PARD3: variants seen among roughly 807,000 people sequenced by gnomAD.
The protein encoded by PARD3 is partitioning defective 3 homolog.
Under a neutral mutation model 155.4 loss-of-function variants are expected in PARD3, and 75 were observed. The ratio of observed to expected loss-of-function variants is 0.48; its 90% CI spans 0.40 to 0.58. PARD3 has a LOEUF of 0.58. Among genes scored for constraint, PARD3 ranks in the 20% least tolerant of loss-of-function variants. The probability of loss-of-function intolerance (pLI) is 0.00; values close to 1 mark genes in which losing one functional copy is unlikely to be tolerated. For missense variants in PARD3, 1,642 were observed against 1,721.7 expected, an observed-to-expected ratio of 0.95 and a Z score of 0.82; for synonymous variants, 576 against 610.5, an observed-to-expected ratio of 0.94 and a Z score of 0.83.
At chr10:34,404,847 G>A (rs1031418576) in intron 5 of PARD3, among the ~76,000 whole-genome samples, 1 of 152,096 alleles carries the variant, frequency 6.6e-6, no homozygotes, top group East Asian at 1.9e-4. Flanking sequence ...CACTTTAGAA[G>A]GCTGAGGCAG....
At chr10:34,428,558 T>C (rs2075741028) in intron 5 of PARD3, among the ~76,000 whole-genome samples, 1 of 152,228 alleles carries the variant, frequency 6.6e-6, no homozygotes, top group Admixed American at 6.5e-5. Context: ...AACTCATTTA[T>C]ATTAGTGCAC....
At chr10:34,302,258 T>C (rs773072553) in intron 20 of PARD3, among the ~76,000 whole-genome samples, 24 of 152,144 alleles carry the variant, frequency 1.6e-4, no homozygotes, top group Non-Finnish European at 3.1e-4. Flanking sequence ...GGCACTTACT[T>C]ACCATTTAAA....
chr10:34,641,619 C>T (rs1056368354), intron 2 of PARD3, among the ~76,000 whole-genome samples: 1 of 152,130 alleles, frequency 6.6e-6, no homozygotes, highest in Non-Finnish European at 1.5e-5. Context: ...TCCTCATGGC[C>T]CAGCACCCCC....
chr10:34,315,775 A>G (rs1301401598), intron 20 of PARD3, among the ~76,000 whole-genome samples: 2 of 152,224 alleles, frequency 1.3e-5, no homozygotes, highest in Non-Finnish European at 2.9e-5. Flanking sequence ...AAACATGATG[A>G]GGGGGCCCTG....
intron 1 of PARD3, among the ~76,000 whole-genome samples, chr10:34,729,819 G>C (rs370347533): frequency 6.6e-6 from 1 of 152,122 alleles, no homozygotes; most frequent in Admixed American, 6.5e-5. Flanking sequence ...GGAGTTCCTT[G>C]TACTTCACTC....
chr10:34,365,477 A>C (rs961391305), intron 12 of PARD3, among the ~76,000 whole-genome samples: 3 of 152,214 alleles, frequency 2.0e-5, no homozygotes, highest in Admixed American at 6.5e-5. Context: ...ACAAGGTAGG[A>C]ATTTATGTCA....
chr10:34,126,362 T>C (rs1404784607), intron 23 of PARD3, among the ~76,000 whole-genome samples: 2 of 152,216 alleles, frequency 1.3e-5, no homozygotes, highest in Non-Finnish European at 2.9e-5. Flanking sequence ...TTCCGCAGCA[T>C]CCTGCTCTGT....
chr10:34,150,280 A>G (rs2132951620), intron 22 of PARD3, among the ~76,000 whole-genome samples: 1 of 152,350 alleles, frequency 6.6e-6, no homozygotes, highest in Middle Eastern at 3.4e-3. Flanking sequence ...GTGGGTCATT[A>G]GAAACCCATG....
chr10:34,337,502 AC>A, intron 16 of PARD3, 76 bp from the exon 17 acceptor site: 1 of 815,080 alleles, frequency 1.2e-6, no homozygotes. Flanking sequence ...GTTCATACAT[AC>A]CTGCAAGTGT....
At chr10:34,240,225 G>A (rs1182142397) in intron 22 of PARD3, among the ~76,000 whole-genome samples, 2 of 152,192 alleles carry the variant, frequency 1.3e-5, no homozygotes, top group African/African-American at 2.4e-5. Flanking sequence ...AGAATACAGC[G>A]TGGTCTGGAA....
intron 2 of PARD3, among the ~76,000 whole-genome samples, chr10:34,591,452 C>G (rs868213843): frequency 2.6e-5 from 4 of 152,126 alleles, no homozygotes; most frequent in South Asian, 4.2e-4. Context: ...GTCGAACATT[C>G]TAAACACTGG....
At chr10:34,171,364 C>T (rs1949781878) in intron 22 of PARD3, among the ~76,000 whole-genome samples, 1 of 152,160 alleles carries the variant, frequency 6.6e-6, no homozygotes, top group South Asian at 2.1e-4. Context: ...TTTCCTCTCA[C>T]CTTTTGTCAA....
chr10:34,323,293 AGC>A (rs1033702725), intron 19 of PARD3, among the ~76,000 whole-genome samples: 5 of 151,914 alleles, frequency 3.3e-5, no homozygotes, highest in Non-Finnish European at 7.3e-5. Context: ...TAGAATGATG[AGC>A]TCTTGGCAAC....
At chr10:34,727,168 C>T (rs1250211258) in intron 1 of PARD3, among the ~76,000 whole-genome samples, 2 of 152,124 alleles carry the variant, frequency 1.3e-5, no homozygotes, top group East Asian at 3.9e-4. Flanking sequence ...GCTCAAGAGT[C>T]ACAAGCTCAT....
chr10:34,378,133 A>T, intron 9 of PARD3, 27 bp from the exon 10 acceptor site: 1 of 1,541,444 alleles, frequency 6.5e-7, no homozygotes, highest in African/African-American at 1.4e-5. Context: ...GAAGAAAAGT[A>T]AATAAAATGA....
At chr10:34,128,262 T>A (rs1947395290) in intron 23 of PARD3, among the ~76,000 whole-genome samples, 1 of 152,198 alleles carries the variant, frequency 6.6e-6, no homozygotes, top group Admixed American at 6.5e-5. Context: ...CTTCCACCTC[T>A]GCCACTCTGA....
intron 5 of PARD3, among the ~76,000 whole-genome samples, chr10:34,431,509 A>C (rs1452528313): frequency 6.6e-6 from 1 of 152,158 alleles, no homozygotes; most frequent in Admixed American, 6.5e-5. Flanking sequence ...TGGGAGGCCA[A>C]GGCGGGTGAT....
At chr10:34,570,537 A>C (rs2086307219) in intron 2 of PARD3, among the ~76,000 whole-genome samples, 1 of 152,208 alleles carries the variant, frequency 6.6e-6, no homozygotes, top group Admixed American at 6.5e-5. Flanking sequence ...CAAACTGCCA[A>C]GTGGGACTTA....
At chr10:34,661,620 G>A (rs1164178774) in intron 2 of PARD3, among the ~76,000 whole-genome samples, 5 of 152,224 alleles carry the variant, frequency 3.3e-5, no homozygotes, top group Non-Finnish European at 7.3e-5. Context: ...AAAGGGGGAA[G>A]AAGCAAGAAT....
Sources: allele counts gnomAD v4.1 joint callset (sites outside exome capture counted in the v4.1 genomes callset), GRCh38; gene constraint gnomAD v4.1.1; transcripts MANE v1.5; gene names NCBI Gene and HGNC (gene_info 2026-07-23, HGNC 2026-07-21).